Variants in GAB2 observed in about 807,000 individuals in gnomAD.
The protein encoded by GAB2 is GRB2-associated-binding protein 2.
GAB2 carries 26 observed loss-of-function variants against 65.5 expected under a neutral mutation model. That is an observed-to-expected ratio of 0.40 (90% CI 0.29 to 0.55). GAB2 has a LOEUF of 0.55. Among genes scored for constraint, GAB2 ranks in the 20% least tolerant of loss-of-function variants. The probability of loss-of-function intolerance (pLI) is 0.53; values close to 1 mark genes in which losing one functional copy is unlikely to be tolerated. For missense variants in GAB2, 884 were observed against 875.8 expected (o/e 1.01, Z -0.12); for synonymous variants, 321 against 329.6 (o/e 0.97, Z 0.28).
At chr11:78,389,221 G>C (rs1351538084) in intron 1 of GAB2, among the ~76,000 whole-genome samples, 1 of 152,012 alleles carries the variant, frequency 6.6e-6, no homozygotes, top group Non-Finnish European at 1.5e-5. Context: ...ATTTTACTTT[G>C]GGAGAAACAT....
At chr11:78,352,883 C>A (rs1297877007) in intron 1 of GAB2, among the ~76,000 whole-genome samples, 1 of 152,192 alleles carries the variant, frequency 6.6e-6, no homozygotes, top group East Asian at 1.9e-4. Flanking sequence ...CTGTTAACTG[C>A]AGCTAAAAGT....
chr11:78,325,899 T>G (rs1317343726), intron 1 of GAB2, among the ~76,000 whole-genome samples: 1 of 152,214 alleles, frequency 6.6e-6, no homozygotes, highest in East Asian at 1.9e-4. Flanking sequence ...CAAACCATTT[T>G]TGTTCATTTC....
chr11:78,282,161 G>A (rs1866352813), intron 1 of GAB2, among the ~76,000 whole-genome samples: 1 of 152,076 alleles, frequency 6.6e-6, no homozygotes, highest in Non-Finnish European at 1.5e-5. Context: ...CCACAGAATT[G>A]AACACGTGAT....
intron 1 of GAB2, among the ~76,000 whole-genome samples, chr11:78,401,165 A>G (rs1008387313): frequency 6.6e-6 from 1 of 152,132 alleles, no homozygotes; most frequent in African/African-American, 2.4e-5. Context: ...TTATCATCTT[A>G]TCATTTTTAA....
chr11:78,387,978 A>G (rs1856789832), intron 1 of GAB2: 1 of 152,222 alleles, frequency 6.6e-6, no homozygotes, highest in Admixed American at 6.5e-5. Flanking sequence ...TAAGAAATGC[A>G]CAGGACAGTA....
intron 1 of GAB2, among the ~76,000 whole-genome samples, chr11:78,294,563 C>A (rs561525814): frequency 1.3e-5 from 2 of 152,220 alleles, no homozygotes; most frequent in Non-Finnish European, 2.9e-5. Flanking sequence ...TTCTCCACAT[C>A]CTCTCCAGCA....
chr11:78,341,109 A>G (rs2134691001), intron 1 of GAB2, among the ~76,000 whole-genome samples: 1 of 152,332 alleles, frequency 6.6e-6, no homozygotes, highest in African/African-American at 2.4e-5. Flanking sequence ...TCCTGATTAT[A>G]TCTACTATCT....
intron 1 of GAB2, among the ~76,000 whole-genome samples, chr11:78,311,131 A>T (rs1429500501): frequency 6.6e-6 from 1 of 152,198 alleles, no homozygotes; most frequent in Non-Finnish European, 1.5e-5. Context: ...TATGGGCACA[A>T]CTTCATAAAA....
rs1591085035 is a variant in GAB2, at chr11:78,394,327, A to C, written c.75+23319T>G. On this transcript the variant is annotated intron_variant, in intron 1 of 9. Coordinates refer to ENST00000361507, the MANE Select transcript of GAB2 (RefSeq NM_080491.3). ...AAAACAAAAAAGAAGCTATACTATG[A>C]GATCTTCTACCCCAACCATGTGCTC... Among the ~76,000 whole-genome samples the C allele has an allele frequency of 2.0e-5, 3 of 152,196 alleles. 1 individual carries two copies. The highest frequency in any genetic ancestry group is 3.4e-3 in the Middle Eastern group (1 of 294).
intron 1 of GAB2, among the ~76,000 whole-genome samples, chr11:78,384,294 C>T (rs982700056): frequency 3.3e-5 from 5 of 152,188 alleles, no homozygotes; most frequent in Admixed American, 2.6e-4. Context: ...TGAAAGAGAA[C>T]TCCAGTCAGA....
chr11:78,368,449 G>A (rs1053269283), intron 1 of GAB2, among the ~76,000 whole-genome samples: 4 of 152,262 alleles, frequency 2.6e-5, no homozygotes, highest in South Asian at 2.1e-4. Flanking sequence ...GTTAAATCAC[G>A]TTTGTGCAGA....
chr11:78,309,975 C>T (rs1012946228), intron 1 of GAB2, among the ~76,000 whole-genome samples: 42 of 133,594 alleles, frequency 3.1e-4, no homozygotes, highest in African/African-American at 1.2e-3. Flanking sequence ...TGTGTGTGCG[C>T]GCGCGCCTGT....
At chr11:78,245,229 A>G (rs543460896) in intron 3 of GAB2, among the ~76,000 whole-genome samples, 9 of 152,338 alleles carry the variant, frequency 5.9e-5, no homozygotes, top group Middle Eastern at 3.4e-3. Context: ...CTGGAGATTG[A>G]TTATATAACA....
At chr11:78,219,519 G>C in intron 9 of GAB2, 104 bp from the exon 10 acceptor site, 1 of 1,047,820 alleles carries the variant, frequency 9.5e-7, no homozygotes, top group Non-Finnish European at 1.4e-6. Context: ...AAGGGGAGAA[G>C]AGCATGGCCT....
At chr11:78,281,056 C>T (rs557290318) in intron 1 of GAB2, among the ~76,000 whole-genome samples, 155 bp from the exon 2 acceptor site, 12 of 152,164 alleles carry the variant, frequency 7.9e-5, no homozygotes, top group South Asian at 6.2e-4. Flanking sequence ...TGGGCTCAAG[C>T]GATCCTCCCA....
At chr11:78,341,760 C>A (rs893289612) in intron 1 of GAB2, 2 of 986,260 alleles carry the variant, frequency 2.0e-6, no homozygotes, top group African/African-American at 1.7e-5. Flanking sequence ...CAAAACTCAC[C>A]TTTTCATGAT....
intron 3 of GAB2, among the ~76,000 whole-genome samples, chr11:78,248,161 A>C (rs1865348045): frequency 6.6e-6 from 1 of 152,238 alleles, no homozygotes; most frequent in African/African-American, 2.4e-5. Context: ...GAGAGAGAAT[A>C]AAAAACTGCT....
intron 3 of GAB2, among the ~76,000 whole-genome samples, chr11:78,236,893 A>C (rs1864997542): frequency 6.6e-6 from 1 of 152,202 alleles, no homozygotes; most frequent in African/African-American, 2.4e-5. Flanking sequence ...TATTGTCCCA[A>C]ACAGACACAT....
chr11:78,230,108 T>C (rs1197478859), intron 3 of GAB2, among the ~76,000 whole-genome samples: 2 of 152,228 alleles, frequency 1.3e-5, no homozygotes, highest in Non-Finnish European at 2.9e-5. Flanking sequence ...AGGTTAATGC[T>C]TGTTGCATTA....
Sources: gnomAD v4.1 joint callset for allele counts (sites outside exome capture counted in the v4.1 genomes callset) on GRCh38, gnomAD v4.1.1 for gene constraint, MANE v1.5 for transcripts, NCBI Gene and HGNC (gene_info 2026-07-23, HGNC 2026-07-21) for gene names.